USH1C: variants seen among roughly 807,000 people sequenced by gnomAD.
USH1C encodes harmonin.
In USH1C, 90 loss-of-function variants were observed where a neutral mutation model predicts 119.3. That is an observed-to-expected ratio of 0.75 (90% CI 0.64 to 0.90). The LOEUF is 0.90. Among genes scored for constraint, USH1C ranks in the 40% least tolerant of loss-of-function variants. The probability of loss-of-function intolerance (pLI) is 0.00; values close to 1 mark genes in which losing one functional copy is unlikely to be tolerated. For synonymous variants in USH1C, 465 were observed against 443.3 expected (o/e 1.05, Z -0.62); for missense variants, 1,165 against 1,167.7 (o/e 1.00, Z 0.03).
chr11:17,536,173 G>A (rs535279456), intron 1 of USH1C, among the ~76,000 whole-genome samples: 6 of 152,194 alleles, frequency 3.9e-5, no homozygotes, highest in South Asian at 4.1e-4. Context: ...TAAAAATCAC[G>A]TCTGCTTTGG....
rs543567711 is a variant in USH1C at position 17,509,803 on chromosome 11, C to G, written c.1566G>C (p.Val522=). 6.3e-7 allele frequency: 1 copy of G among 1,585,614 alleles called. No individual in the cohort carries two copies. The highest frequency in any genetic ancestry group is 8.5e-7 in the Non-Finnish European group (1 of 1,172,128). The change falls in exon 18 of 27, where the codon GTG becomes GTC. Residue 522 remains valine, a synonymous_variant. Transcript: ENST00000005226. ...GTCTCAAGGGTGGGGCCAGGGGAGA[C>G]ACAGAAGGCGGGGGAGGCGGGGGCC... ...TTGPPPPPPS[V]SPLAPPLRRF...
chr11:17,494,303 C>T lies in USH1C; in HGVS notation c.*29G>A, dbSNP rs1251046934. ...CAAGGCTGATCCGAGGCTTTGTGTT[C>T]ACGAGGTGGGGCCGGAGCTCACTGT... On this transcript the variant is annotated 3_prime_UTR_variant, in exon 27 of 27. Transcript: ENST00000005226. The T allele has an allele frequency of 6.2e-7, 1 of 1,604,806 alleles. No homozygotes were observed. Among genetic ancestry groups the T allele is most frequent in the Admixed American group, 1.7e-5 (1 of 58,966 alleles).
At chr11:17,528,785 G>A in intron 4 of USH1C, among the ~76,000 whole-genome samples, 1 of 152,212 alleles carries the variant, frequency 6.6e-6, no homozygotes, top group East Asian at 1.9e-4. Flanking sequence ...GAGTGGCCAA[G>A]GGCTCAAAAT....
intron 20 of USH1C, 142 bp downstream of exon 20, chr11:17,504,505 A>C: frequency 1.1e-6 from 1 of 901,790 alleles, no homozygotes; most frequent in East Asian, 2.4e-5. Flanking sequence ...GCAATGGAGG[A>C]CACAGCTCTG....
At chr11:17,537,628 A>G (rs897289315) in intron 1 of USH1C, among the ~76,000 whole-genome samples, 2 of 152,136 alleles carry the variant, frequency 1.3e-5, no homozygotes, top group African/African-American at 4.8e-5. Context: ...CAGCGACTCC[A>G]TCTATCCACA....
rs1591999307 is a variant in USH1C at position 17,520,946 on chromosome 11, C to T, written c.1134G>A (p.Trp378Ter). The change falls in exon 14 of 27, where the codon TGG (tryptophan) becomes TGA (stop). Residue 378 changes from tryptophan (W) to a stop codon, truncating the protein, a stop_gained. Transcript: ENST00000005226. LOFTEE classifies it high-confidence loss of function. ...EKFKKQWEED[W>*]GSKEQLLLPK... ...GCAAGAGTAGCTGTTCCTTTGAGCCCCAGTCTTCTTCCCATTGCTTCTTAA... is the reference window on the plus strand; with the variant it reads ...GCAAGAGTAGCTGTTCCTTTGAGCCTCAGTCTTCTTCCCATTGCTTCTTAA... The T allele has an allele frequency of 1.2e-6, 2 of 1,614,072 alleles. No homozygotes were observed. Among genetic ancestry groups the T allele is most frequent in the Non-Finnish European group, 8.5e-7 (1 of 1,180,002 alleles).
At chr11:17,504,551 C>A in intron 20 of USH1C, 96 bp downstream of exon 20, 1 of 1,398,872 alleles carries the variant, frequency 7.1e-7, no homozygotes, top group Admixed American at 1.7e-5. Flanking sequence ...CCACCATGGA[C>A]CTGACCAGGT....
At chr11:17,534,962 C>T (rs1851174383) in intron 1 of USH1C, among the ~76,000 whole-genome samples, 1 of 151,276 alleles carries the variant, frequency 6.6e-6, no homozygotes, top group Admixed American at 6.6e-5. Context: ...GGGTGGGAGG[C>T]TGGCCTTTCG....
At position 17,517,389 on chromosome 11, in the gene USH1C, G is replaced by A. The variant is rs752356866; in HGVS notation, c.1211-1099C>T. The A allele has an allele frequency of 1.1e-5, 18 of 1,572,578 alleles. No homozygotes were observed. The highest frequency in any genetic ancestry group is 4.1e-5 in the African/African-American group (3 of 73,986). ...GAGCAGCCAGGCCAGGGAGCAAAGC[G>A]GGGACGCGAACCTGCTCTCCCTGCT... On this transcript the variant is annotated intron_variant, in intron 14 of 26. Transcript: ENST00000005226.
chr11:17,519,138 C>G (rs1370405775), intron 14 of USH1C, among the ~76,000 whole-genome samples: 6 of 152,170 alleles, frequency 3.9e-5, no homozygotes, highest in African/African-American at 4.8e-5. Context: ...TGGCTGGGGC[C>G]CAGGCCTGCT....
intron 13 of USH1C, 78 bp from the exon 14 acceptor site, chr11:17,521,072 C>G: frequency 6.3e-7 from 1 of 1,588,850 alleles, no homozygotes; most frequent in Non-Finnish European, 8.6e-7. Flanking sequence ...AGAGCCCCAG[C>G]CAGCCTGGGG....
At position 17,504,717 on chromosome 11, in the gene USH1C, AAAG is replaced by A. The variant is rs986503748; in HGVS notation, c.2134-23_2134-21del. On this transcript the variant is annotated intron_variant, in intron 19 of 26. Coordinates refer to ENST00000005226, the MANE Select transcript of USH1C (RefSeq NM_153676.4). The stretch of plus-strand genomic sequence containing the variant: ...CTGTGGCTGCCAGAGGAAAAAAAAA[AAAG>A]TTCCACATTGGATGTTACCAATAGG... The A allele has an allele frequency of 1.2e-6, 2 of 1,613,590 alleles. No individual in the cohort carries two copies. Among genetic ancestry groups the A allele is most frequent in the African/African-American group, 1.3e-5 (1 of 74,916 alleles).
At chr11:17,510,301 A>T in intron 17 of USH1C, 104 bp downstream of exon 17, 1 of 920,352 alleles carries the variant, frequency 1.1e-6, no homozygotes, top group Non-Finnish European at 1.8e-6. Context: ...GGGCACTGTG[A>T]GGCTAGTGAC....
chr11:17,527,378 G>T, intron 4 of USH1C, 47 bp from the exon 5 acceptor site: 1 of 1,429,758 alleles, frequency 7.0e-7, no homozygotes, highest in Non-Finnish European at 9.8e-7. Flanking sequence ...GGGAGCATCA[G>T]GCAGTGGGGC....
At chr11:17,543,479 C>A (rs560438665) in intron 1 of USH1C, among the ~76,000 whole-genome samples, 1 of 152,136 alleles carries the variant, frequency 6.6e-6, no homozygotes, top group Non-Finnish European at 1.5e-5. Flanking sequence ...GGGAAGTAGG[C>A]TGGATCTCTT....
At chr11:17,528,839 G>A (rs1235632407) in intron 4 of USH1C, among the ~76,000 whole-genome samples, 2 of 152,212 alleles carry the variant, frequency 1.3e-5, no homozygotes, top group Non-Finnish European at 2.9e-5. Flanking sequence ...TAGGTTTCTG[G>A]GAACATGTAA....
chr11:17,497,276 C>T (rs1307485022), intron 24 of USH1C, among the ~76,000 whole-genome samples: 7 of 152,160 alleles, frequency 4.6e-5, no homozygotes, highest in Non-Finnish European at 2.9e-5. Flanking sequence ...CCTTTTACTG[C>T]CATCCTTGAC....
At chr11:17,512,763 C>A (rs1424171223) in intron 15 of USH1C, among the ~76,000 whole-genome samples, 1 of 152,170 alleles carries the variant, frequency 6.6e-6, no homozygotes, top group African/African-American at 2.4e-5. Flanking sequence ...GCCCCTCTAC[C>A]GAGGGCTAGC....
intron 23 of USH1C, among the ~76,000 whole-genome samples, chr11:17,499,527 C>G (rs993692183): frequency 6.6e-6 from 1 of 152,176 alleles, no homozygotes; most frequent in African/African-American, 2.4e-5. Context: ...GAGAGTCACC[C>G]ATCCATCCTG....
Sources: allele counts gnomAD v4.1 joint callset (sites outside exome capture counted in the v4.1 genomes callset), GRCh38; gene constraint gnomAD v4.1.1; transcripts MANE v1.5; gene names NCBI Gene and HGNC (gene_info 2026-07-23, HGNC 2026-07-21).